Variants in ZNG1A observed in about 807,000 individuals in gnomAD.
ZNG1A encodes the protein Zn regulated GTPase metalloprotein activator 1A.
the ZNG1A span, among the ~76,000 whole-genome samples, chr9:175,241 G>A: frequency 6.6e-6 from 1 of 152,018 alleles, no homozygotes; most frequent in Non-Finnish European, 1.5e-5. Flanking sequence ...ATCTGGGCAT[G>A]GTGGCGCACG....
the ZNG1A span, among the ~76,000 whole-genome samples, chr9:169,854 CTTTT>C: frequency 6.9e-4 from 37 of 53,966 alleles, no homozygotes; most frequent in African/African-American, 2.3e-3. Flanking sequence ...ATAAACACAG[CTTTT>C]TTTTTTTTTT....
At chr9:162,224 C>T in the ZNG1A span, among the ~76,000 whole-genome samples, 2 of 147,854 alleles carry the variant, frequency 1.4e-5, no homozygotes, top group African/African-American at 5.1e-5. Context: ...CAAATTTTAT[C>T]ACCAAATCAA....
At chr9:140,141 C>A in the ZNG1A span, among the ~76,000 whole-genome samples, 2 of 151,076 alleles carry the variant, frequency 1.3e-5, no homozygotes, top group African/African-American at 4.9e-5. Flanking sequence ...CCGGGAAGCT[C>A]GAACTGGGTG....
At chr9:140,007 G>T in the ZNG1A span, among the ~76,000 whole-genome samples, 1 of 150,462 alleles carries the variant, frequency 6.6e-6, no homozygotes, top group Non-Finnish European at 1.5e-5. Context: ...GGCTCGGAGG[G>T]TCCCACGCCC....
At chr9:168,485 C>G in the ZNG1A span, among the ~76,000 whole-genome samples, 1 of 150,896 alleles carries the variant, frequency 6.6e-6, no homozygotes, top group Admixed American at 6.6e-5. Context: ...AACTCCTGAA[C>G]TCGTGAACTG....
the ZNG1A span, among the ~76,000 whole-genome samples, chr9:175,283 C>A: frequency 1.3e-5 from 2 of 151,744 alleles, no homozygotes; most frequent in South Asian, 2.1e-4. Flanking sequence ...GAGGCTGAGG[C>A]AGGAGAATCA....
At chr9:149,342 CATAA>C in the ZNG1A span, 2 of 150,842 alleles carry the variant, frequency 1.3e-5, no homozygotes, top group East Asian at 3.9e-4. Flanking sequence ...TTCTGTGCTA[CATAA>C]TACCAAGTTT....
chr9:159,889 T>C, the ZNG1A span: 1 of 353,146 alleles, frequency 2.8e-6, no homozygotes. Context: ...TATTGCATAA[T>C]GTCAGTCTAT....
the ZNG1A span, among the ~76,000 whole-genome samples, chr9:171,415 C>A: frequency 6.6e-6 from 1 of 151,718 alleles, no homozygotes; most frequent in Non-Finnish European, 1.5e-5. Context: ...AAGATTTTAT[C>A]TAAAAGTTAT....
the ZNG1A span, among the ~76,000 whole-genome samples, chr9:145,645 A>G: frequency 6.6e-6 from 1 of 151,614 alleles, no homozygotes; most frequent in Non-Finnish European, 1.5e-5. Context: ...ACATGTATAC[A>G]TATGTAACTA....
At chr9:147,004 C>T in the ZNG1A span, 2 of 150,762 alleles carry the variant, frequency 1.3e-5, no homozygotes, top group African/African-American at 4.9e-5. Context: ...GTGGTGAAAC[C>T]CTGTCTCTAC....
the ZNG1A span, among the ~76,000 whole-genome samples, chr9:155,782 T>C: frequency 1.3e-5 from 2 of 151,724 alleles, no homozygotes; most frequent in South Asian, 2.1e-4. Flanking sequence ...ATAATAACCA[T>C]ATTTTCATAA....
chr9:159,048 A>C, the ZNG1A span, among the ~76,000 whole-genome samples: 1 of 151,782 alleles, frequency 6.6e-6, no homozygotes, highest in Non-Finnish European at 1.5e-5. Context: ...ACAAAATGGA[A>C]ATTTTGGCAT....
At chr9:132,308 A>G in the ZNG1A span, among the ~76,000 whole-genome samples, 3 of 148,270 alleles carry the variant, frequency 2.0e-5, no homozygotes, top group Non-Finnish European at 4.4e-5. Context: ...TGAAGTCAGG[A>G]GTTTGAGACC....
the ZNG1A span, among the ~76,000 whole-genome samples, chr9:136,593 CTA>C: frequency 3.5e-5 from 2 of 57,762 alleles, no homozygotes; most frequent in African/African-American, 1.3e-4. Context: ...TGATTGCATA[CTA>C]TAATTCTTAT....
the ZNG1A span, chr9:121,552 A>T: frequency 3.8e-5 from 61 of 1,609,206 alleles, no homozygotes; most frequent in Non-Finnish European, 4.9e-5. Flanking sequence ...CTGTTTAAGG[A>T]TATCCTTATC....
chr9:171,937 G>C, the ZNG1A span: 8 of 1,208,116 alleles, frequency 6.6e-6, no homozygotes, highest in East Asian at 4.9e-5. Context: ...TGACAACCGA[G>C]TACTTTTCCT....
the ZNG1A span, among the ~76,000 whole-genome samples, chr9:129,586 A>T: frequency 6.7e-6 from 1 of 150,332 alleles, no homozygotes; most frequent in South Asian, 2.1e-4. Context: ...TATTGCATGA[A>T]TCCACTAATA....
chr9:127,574 T>G, the ZNG1A span, among the ~76,000 whole-genome samples: 9 of 152,246 alleles, frequency 5.9e-5, no homozygotes, highest in Admixed American at 2.6e-4. Flanking sequence ...TGAGTCCTTA[T>G]GTGTTAGGTG....
Sources: gnomAD v4.1 joint callset for allele counts (sites outside exome capture counted in the v4.1 genomes callset) on GRCh38, gnomAD v4.1.1 for gene constraint, MANE v1.5 for transcripts, NCBI Gene and HGNC (gene_info 2026-07-23, HGNC 2026-07-21) for gene names.